The following GRM1 variants were observed in gnomAD, a reference collection of about 807,000 sequenced individuals.
GRM1 encodes metabotropic glutamate receptor 1.
Under a neutral mutation model 90.9 loss-of-function variants are expected in GRM1, and 33 were observed. That is an observed-to-expected ratio of 0.36 (90% confidence interval 0.28 to 0.49). The LOEUF is 0.49. Ranked by LOEUF, GRM1 falls within the 20% of genes least tolerant of loss-of-function variation. The pLI is 0.99. For missense variants in GRM1, 1,190 were observed against 1,534.3 expected (o/e 0.78, Z 3.75); for synonymous variants, 700 against 613.2 (o/e 1.14, Z -2.09).
intron 5 of GRM1, among the ~76,000 whole-genome samples, chr6:146,385,183 C>A (rs958579161): frequency 2.6e-5 from 4 of 151,928 alleles, no homozygotes; most frequent in Non-Finnish European, 5.9e-5. Context: ...ACAAAGAAGT[C>A]ATTACAATTA....
intron 6 of GRM1, among the ~76,000 whole-genome samples, chr6:146,395,661 G>A (rs1227762904): frequency 6.6e-6 from 1 of 151,982 alleles, no homozygotes; most frequent in African/African-American, 2.4e-5. Flanking sequence ...ATGAAGTTTA[G>A]GAAAATTATT....
chr6:146,034,970 C>T (rs7761033), intron 1 of GRM1, among the ~76,000 whole-genome samples: 59,362 of 151,632 alleles, frequency 0.39, 11,952 homozygotes, highest in Middle Eastern at 0.51. Flanking sequence ...TAAGTAAAAG[C>T]AATCACAGTA....
At chr6:146,183,128 G>C (rs1778608068) in intron 2 of GRM1, among the ~76,000 whole-genome samples, 1 of 151,998 alleles carries the variant, frequency 6.6e-6, no homozygotes, top group Non-Finnish European at 1.5e-5. Flanking sequence ...TCATCTGCAG[G>C]GTTCAAGATG....
chr6:146,237,218 A>G (rs187861934), intron 2 of GRM1, among the ~76,000 whole-genome samples: 6 of 152,154 alleles, frequency 3.9e-5, no homozygotes, highest in Admixed American at 3.3e-4. Flanking sequence ...GGAAAGTTAC[A>G]CTACTTTCAG....
chr6:146,370,944 C>G (rs570625358), intron 5 of GRM1, among the ~76,000 whole-genome samples: 1 of 151,970 alleles, frequency 6.6e-6, no homozygotes, highest in Admixed American at 6.6e-5. Context: ...TATACTTTGT[C>G]GGTGATAAAT....
chr6:146,333,290 T>C (rs1282481487), intron 3 of GRM1, among the ~76,000 whole-genome samples: 1 of 152,198 alleles, frequency 6.6e-6, no homozygotes, highest in African/African-American at 2.4e-5. Context: ...AAACAATGGC[T>C]CCTGGGATGT....
rs562215124 is a variant in GRM1, at chr6:146,434,404, C to T, written c.3193C>T (p.Leu1065=). The change falls in exon 8 of 8, where the codon CTG becomes TTG. Residue 1065 remains leucine, a synonymous_variant. Transcript: ENST00000282753. ...PGGPGNGLRS[L]YPPPPPPQHL... Reference sequence around the variant, plus strand: ...TGGTCCCGGGAACGGGCTGCGGTCCCTGTACCCGCCCCCGCCACCTCCGCA... The same window carrying T: ...TGGTCCCGGGAACGGGCTGCGGTCCTTGTACCCGCCCCCGCCACCTCCGCA... The T allele has an allele frequency of 4.3e-6, 7 of 1,613,500 alleles. No individual in the cohort carries two copies. The highest frequency in any genetic ancestry group is 5.9e-6 in the Non-Finnish European group (7 of 1,179,804).
chr6:146,397,893 T>C (rs879553786), intron 6 of GRM1, among the ~76,000 whole-genome samples: 21 of 152,214 alleles, frequency 1.4e-4, no homozygotes, highest in Admixed American at 1.2e-3. Flanking sequence ...TTTTCCTAAA[T>C]TTATGGAAAT....
chr6:146,398,726 C>G (rs919102559), intron 6 of GRM1, 43 bp from the exon 7 acceptor site: 1 of 1,333,974 alleles, frequency 7.5e-7, no homozygotes, highest in East Asian at 2.3e-5. Context: ...TTATTCCTAG[C>G]AGAAACCTTG....
At chr6:146,053,874 A>G (rs914287954) in intron 1 of GRM1, among the ~76,000 whole-genome samples, 7 of 152,040 alleles carry the variant, frequency 4.6e-5, no homozygotes, top group Admixed American at 2.6e-4. Flanking sequence ...CTGAAGAGAT[A>G]AGGAGGTTCC....
chr6:146,074,964 C>G (rs1345155344), intron 1 of GRM1, among the ~76,000 whole-genome samples: 1 of 152,138 alleles, frequency 6.6e-6, no homozygotes, highest in South Asian at 2.1e-4. Context: ...ATAGAAATTA[C>G]AATTTGCTTT....
At chr6:146,114,062 G>A (rs1460952863) in intron 1 of GRM1, among the ~76,000 whole-genome samples, 1 of 152,104 alleles carries the variant, frequency 6.6e-6, no homozygotes, top group Non-Finnish European at 1.5e-5. Context: ...GTTGACACGT[G>A]TTGAAATTGA....
chr6:146,147,966 C>T (rs1042755156), intron 1 of GRM1, among the ~76,000 whole-genome samples: 5 of 152,198 alleles, frequency 3.3e-5, no homozygotes, highest in African/African-American at 1.2e-4. Flanking sequence ...GGATTTCTAT[C>T]AAGAAATCTG....
chr6:146,284,472 G>A (rs867287866), intron 2 of GRM1, among the ~76,000 whole-genome samples: 4 of 152,136 alleles, frequency 2.6e-5, no homozygotes, highest in Non-Finnish European at 5.9e-5. Flanking sequence ...AGGCTTTTAA[G>A]ATTCACTTCT....
At chr6:146,068,138 G>A (rs1388226666) in intron 1 of GRM1, among the ~76,000 whole-genome samples, 6 of 150,150 alleles carry the variant, frequency 4.0e-5, no homozygotes, top group Non-Finnish European at 5.9e-5. Context: ...TTGAGACGGA[G>A]TCTTGCTCTG....
chr6:146,303,714 C>T (rs987458676), intron 2 of GRM1, among the ~76,000 whole-genome samples: 1 of 152,126 alleles, frequency 6.6e-6, no homozygotes, highest in Admixed American at 6.6e-5. Flanking sequence ...ACTAGCTCAC[C>T]CGGGACTAAA....
At chr6:146,178,505 T>A (rs371696973) in intron 2 of GRM1, among the ~76,000 whole-genome samples, 1 of 152,160 alleles carries the variant, frequency 6.6e-6, no homozygotes, top group African/African-American at 2.4e-5. Flanking sequence ...ATACAACTTA[T>A]ACACATAGCA....
intron 1 of GRM1, among the ~76,000 whole-genome samples, chr6:146,120,431 C>G (rs1775935779): frequency 6.6e-6 from 1 of 152,084 alleles, no homozygotes; most frequent in Non-Finnish European, 1.5e-5. Context: ...CCCTTTATTT[C>G]TTTCTCCTGC....
At chr6:146,328,702 T>C (rs1365109803) in intron 3 of GRM1, among the ~76,000 whole-genome samples, 1 of 152,186 alleles carries the variant, frequency 6.6e-6, no homozygotes, top group East Asian at 1.9e-4. Flanking sequence ...TGTGTGATAT[T>C]TGTCATAAGG....
Sources: allele counts gnomAD v4.1 joint callset (sites outside exome capture counted in the v4.1 genomes callset), GRCh38; gene constraint gnomAD v4.1.1; transcripts MANE v1.5; gene names NCBI Gene and HGNC (gene_info 2026-07-23, HGNC 2026-07-21).